Variants in BNC1 observed in about 807,000 individuals in gnomAD.
BNC1 encodes basonuclin zinc finger protein 1, also known as zinc finger protein basonuclin-1.
BNC1 carries 8 observed loss-of-function variants against 66.5 expected under a neutral mutation model. The observed-to-expected ratio is 0.12, with a 90% CI of 0.07 to 0.22. BNC1 has a LOEUF of 0.22. BNC1 is among the 10% of genes least tolerant of loss of function. The pLI is 1.00. For missense variants in BNC1, 1,069 were observed against 1,241.3 expected, an observed-to-expected ratio of 0.86 and a Z score of 2.09; for synonymous variants, 454 against 452.6, an observed-to-expected ratio of 1.00 and a Z score of -0.04.
rs369813739 is a variant in BNC1, at chr15:83,265,086, T to C, written c.436-271A>G. Among the ~76,000 whole-genome samples the C allele has an allele frequency of 7.2e-5, 11 of 152,308 alleles. No homozygotes were observed. The South Asian group carries it at 1.2e-3, about 17-fold the overall frequency. Reference sequence around the variant, plus strand: ...TTACTCAAGTGAAGTCAGGGAAATGTAGTGATTATTTTTCACCTCATTTCA... The same window carrying C: ...TTACTCAAGTGAAGTCAGGGAAATGCAGTGATTATTTTTCACCTCATTTCA... On this transcript the variant is annotated intron_variant, in intron 3 of 4. Transcript: ENST00000345382.
chr15:83,264,898 G>T, intron 3 of BNC1, 83 bp from the exon 4 acceptor site: 2 of 1,398,744 alleles, frequency 1.4e-6, no homozygotes, highest in Non-Finnish European at 9.7e-7. Flanking sequence ...ACTAGACTAT[G>T]GGATACTTTT....
At position 83,263,023 on chromosome 15, in the gene BNC1, T is replaced by C; in HGVS notation, c.2228A>G (p.His743Arg). Reference sequence around the variant, plus strand: ...TGTGCATGTGTGCATTTCTTTGACATGCATATTCTTGTGATGAATTTTCAC... The same window carrying C: ...TGTGCATGTGTGCATTTCTTTGACACGCATATTCTTGTGATGAATTTTCAC... ...CSVKIHHKNM[H>R]VKEMHTCTVE... The change falls in exon 4 of 5, where the codon CAT (histidine) becomes CGT (arginine). Residue 743 changes from histidine to arginine, a missense_variant. By Grantham distance (29) the His-to-Arg change is conservative. Coordinates refer to ENST00000345382, the MANE Select transcript of BNC1 (RefSeq NM_001717.4). 2 of 1,614,226 alleles carry C rather than the reference T, an allele frequency of 1.2e-6. No homozygotes were observed. The highest frequency in any genetic ancestry group is 1.7e-6 in the Non-Finnish European group (2 of 1,180,040).
chr15:83,264,391 C>G lies in BNC1; in HGVS notation c.860G>C (p.Ser287Thr), dbSNP rs2038191150. 1 of 1,614,044 alleles carries G rather than the reference C, an allele frequency of 6.2e-7. No homozygotes were observed. The highest frequency in any genetic ancestry group is 1.7e-5 in the Admixed American group (1 of 60,000). The change falls in exon 4 of 5, where the codon AGC becomes ACC. Residue 287 changes from serine to threonine, a missense_variant. Coordinates refer to ENST00000345382, the MANE Select transcript of BNC1 (RefSeq NM_001717.4). ...TGTGGAACTGGAAGTTAAGAAGCTGCTGTCAGGGAAGGGCCCATGGACTTC... is the reference window on the plus strand; with the variant it reads ...TGTGGAACTGGAAGTTAAGAAGCTGGTGTCAGGGAAGGGCCCATGGACTTC... ...KQEVHGPFPD[S>T]SFLTSSSTPF...
chr15:83,266,302 A>G (rs982236592), intron 3 of BNC1, among the ~76,000 whole-genome samples: 2 of 152,116 alleles, frequency 1.3e-5, no homozygotes, highest in Non-Finnish European at 2.9e-5. Context: ...ACACACACAT[A>G]TAGAGAGAGA....
chr15:83,268,573 C>G (rs1567193826), intron 1 of BNC1, among the ~76,000 whole-genome samples: 1 of 152,156 alleles, frequency 6.6e-6, no homozygotes, highest in Non-Finnish European at 1.5e-5. Flanking sequence ...TCTAAGTTGA[C>G]TAAAGCAGCA....
At chr15:83,265,032 T>C (rs1328510196) in intron 3 of BNC1, among the ~76,000 whole-genome samples, 2 of 152,268 alleles carry the variant, frequency 1.3e-5, no homozygotes, top group South Asian at 4.1e-4. Flanking sequence ...AGTCCTACAA[T>C]TGGTGCAAAA....
Position 83,265,746 on chromosome 15 carries a change from T to A in BNC1, c.436-931A>T, listed in dbSNP as rs552862385. 6.6e-4 allele frequency among the ~76,000 whole-genome samples: 101 copies of A among 152,318 alleles called. 1 individual carries two copies. The highest frequency in any genetic ancestry group is 2.3e-3 in the African/African-American group (94 of 41,580). ...AAGAAGTGAGTACAAATTCTGGGTC[T>A]GCCACATACTAGTGAAATGACTTTC... On this transcript the variant is annotated intron_variant, in intron 3 of 4. Coordinates refer to ENST00000345382, the MANE Select transcript of BNC1 (RefSeq NM_001717.4).
At chr15:83,258,770 A>G (rs1005798377) in intron 4 of BNC1, among the ~76,000 whole-genome samples, 16 of 152,260 alleles carry the variant, frequency 1.1e-4, no homozygotes, top group African/African-American at 3.1e-4. Context: ...ATATATGGAT[A>G]CTGAACACCT....
At chr15:83,278,598 T>C (rs2038349042) in intron 1 of BNC1, among the ~76,000 whole-genome samples, 1 of 152,212 alleles carries the variant, frequency 6.6e-6, no homozygotes, top group African/African-American at 2.4e-5. Context: ...TATCCTTTGC[T>C]ATATAACCTG....
chr15:83,268,162 T>C lies in BNC1; in HGVS notation c.170A>G (p.Asp57Gly). The C allele has an allele frequency of 6.2e-7, 1 of 1,614,194 alleles. No individual in the cohort carries two copies. The highest frequency in any genetic ancestry group is 8.5e-7 in the Non-Finnish European group (1 of 1,180,024). ...KPGKINHRQC[D>G]QCKHGWVAHA... ...GGCCACCCATCCATGCTTGCATTGG[T>C]CACACTGACGGTGGTTTATTTTCCC... Residue 57 changes from aspartate to glycine, a missense_variant, in exon 2 of 5, where the codon GAC becomes GGC. Physicochemically the swap from Asp to Gly is moderately conservative, Grantham distance 94. This residue lies in a region of BNC1 where 78 missense variants were observed against 80.9 expected (regional missense o/e 0.96). Coordinates refer to ENST00000345382, the MANE Select transcript of BNC1 (RefSeq NM_001717.4).
intron 4 of BNC1, among the ~76,000 whole-genome samples, chr15:83,260,989 G>A (rs925086693): frequency 1.3e-5 from 2 of 152,020 alleles, no homozygotes; most frequent in East Asian, 1.9e-4. Context: ...GGGAAGGCTC[G>A]GATCTATTAA....
intron 1 of BNC1, among the ~76,000 whole-genome samples, chr15:83,278,152 C>T (rs979205735): frequency 2.6e-5 from 4 of 152,176 alleles, no homozygotes; most frequent in Non-Finnish European, 5.9e-5. Context: ...GTGAGAGTGT[C>T]GGACTTTAGC....
At chr15:83,282,347 G>A (rs958160284) in intron 1 of BNC1, among the ~76,000 whole-genome samples, 2 of 152,154 alleles carry the variant, frequency 1.3e-5, no homozygotes, top group African/African-American at 4.8e-5. Flanking sequence ...ACGATGACTC[G>A]TATCTTATTC....
intron 3 of BNC1, among the ~76,000 whole-genome samples, chr15:83,266,197 C>T (rs191906040): frequency 7.4e-6 from 1 of 135,790 alleles, no homozygotes; most frequent in East Asian, 2.6e-4. Flanking sequence ...GGATGAAGGG[C>T]TTGGAATACT....
At chr15:83,269,026 C>G (rs895191856) in intron 1 of BNC1, among the ~76,000 whole-genome samples, 2 of 152,188 alleles carry the variant, frequency 1.3e-5, no homozygotes, top group Non-Finnish European at 2.9e-5. Context: ...GAGTTCAAGA[C>G]CAGCCTGGCC....
chr15:83,262,248 T>G (rs904806317), intron 4 of BNC1, among the ~76,000 whole-genome samples: 1 of 152,064 alleles, frequency 6.6e-6, no homozygotes, highest in African/African-American at 2.4e-5. Flanking sequence ...AGACAGGATT[T>G]CACCATGTTG....
intron 1 of BNC1, among the ~76,000 whole-genome samples, chr15:83,272,570 A>G (rs2038280253): frequency 6.6e-6 from 1 of 152,106 alleles, no homozygotes; most frequent in Non-Finnish European, 1.5e-5. Flanking sequence ...TGTTGGAATT[A>G]TATGAGTAAA....
rs759840313 is a variant in BNC1 at position 83,264,627 on chromosome 15, G to A, written c.624C>T (p.Ile208=). 1.7e-5 allele frequency: 27 copies of A among 1,614,160 alleles called. No individual in the cohort carries two copies. Among genetic ancestry groups the A allele is most frequent in the Non-Finnish European group, 1.9e-5 (22 of 1,180,022 alleles). ...STANVDIRAF[I]ESCSHRSSSL... is the part of the protein sequence containing the mutation. Reference sequence around the variant, plus strand: ...TAGAACTCCTGTGACTGCAGCTCTCGATGAAAGCCCTGATATCTACATTTG... The same window carrying A: ...TAGAACTCCTGTGACTGCAGCTCTCAATGAAAGCCCTGATATCTACATTTG... The change falls in exon 4 of 5, where the codon ATC becomes ATT. Residue 208 remains isoleucine (I), a synonymous_variant. Transcript: ENST00000345382.
At chr15:83,282,853 T>A (rs896454393) in intron 1 of BNC1, among the ~76,000 whole-genome samples, 1 of 152,188 alleles carries the variant, frequency 6.6e-6, no homozygotes, top group African/African-American at 2.4e-5. Context: ...CAGTAACACA[T>A]GTTCTCTCTC....
Sources: gnomAD v4.1 joint callset for allele counts (sites outside exome capture counted in the v4.1 genomes callset) on GRCh38, gnomAD v4.1.1 for gene constraint, gnomAD v4.1.1 regional missense constraint, MANE v1.5 for transcripts, NCBI Gene and HGNC (gene_info 2026-07-23, HGNC 2026-07-21) for gene names.